ROBO2: variants seen among roughly 807,000 people sequenced by gnomAD.
ROBO2 encodes roundabout homolog 2.
In ROBO2, 53 loss-of-function variants were observed where a neutral mutation model predicts 160.8. The ratio of observed to expected loss-of-function variants is 0.33; its 90% CI spans 0.26 to 0.41. The LOEUF (loss-of-function observed/expected upper bound fraction) is 0.41, where lower values mean the gene tolerates loss of function less well. ROBO2 is among the 10% of genes least tolerant of loss of function. The pLI, the probability that ROBO2 is intolerant of heterozygous loss-of-function variation, is 1.00. For missense variants in ROBO2, 1,577 were observed against 1,722.4 expected (o/e 0.92, Z 1.49); for synonymous variants, 664 against 611.7 (o/e 1.09, Z -1.26).
chr3:77,238,320 G>A (rs982192608), intron 2 of ROBO2, among the ~76,000 whole-genome samples: 5 of 152,042 alleles, frequency 3.3e-5, no homozygotes, highest in African/African-American at 1.2e-4. Flanking sequence ...AATTCATCTA[G>A]ATTTTCTCTT....
chr3:76,042,529 T>C, intron 2 of ROBO2, among the ~76,000 whole-genome samples: 1 of 152,056 alleles, frequency 6.6e-6, no homozygotes. Context: ...TTTGTTGCAA[T>C]CTTATTTTTA....
intron 24 of ROBO2, among the ~76,000 whole-genome samples, chr3:77,641,055 C>A (rs1212566240): frequency 6.6e-6 from 1 of 152,236 alleles, no homozygotes; most frequent in Admixed American, 6.5e-5. Flanking sequence ...TTCAATCAAT[C>A]AAATGAAATA....
At chr3:77,403,681 A>G (rs1413154513) in intron 2 of ROBO2, among the ~76,000 whole-genome samples, 1 of 151,378 alleles carries the variant, frequency 6.6e-6, no homozygotes, top group Admixed American at 6.6e-5. Flanking sequence ...GTTATTGTGA[A>G]TAATGCTGCA....
chr3:76,016,666 A>G (rs1008704056), intron 2 of ROBO2, among the ~76,000 whole-genome samples: 5 of 152,254 alleles, frequency 3.3e-5, no homozygotes, highest in African/African-American at 1.2e-4. Flanking sequence ...ATAAACTGGT[A>G]TATGCAAAAT....
At chr3:77,334,468 G>A (rs957677354) in intron 2 of ROBO2, among the ~76,000 whole-genome samples, 2 of 152,132 alleles carry the variant, frequency 1.3e-5, no homozygotes, top group African/African-American at 2.4e-5. Context: ...TTGTTTGCTT[G>A]TTTGTTTCGG....
chr3:76,993,921 C>T (rs958191216), intron 2 of ROBO2, among the ~76,000 whole-genome samples: 14 of 151,000 alleles, frequency 9.3e-5, no homozygotes, highest in African/African-American at 2.9e-4. Flanking sequence ...ATAGTTAAAG[C>T]TCTACTCTTC....
chr3:76,504,173 T>G (rs1418675535), intron 2 of ROBO2, among the ~76,000 whole-genome samples: 4 of 152,230 alleles, frequency 2.6e-5, no homozygotes, highest in Admixed American at 2.0e-4. Context: ...TTTTACAATG[T>G]TTGGCCACTG....
intron 1 of ROBO2, among the ~76,000 whole-genome samples, chr3:75,933,485 A>G (rs1452456108): frequency 6.6e-6 from 1 of 152,152 alleles, no homozygotes; most frequent in Non-Finnish European, 1.5e-5. Context: ...GCCAACAGCA[A>G]TACTTGCAGG....
chr3:77,297,652 A>G lies in ROBO2; in HGVS notation c.389-179762A>G, dbSNP rs148923818. On this transcript the variant is annotated intron_variant, in intron 2 of 25. Coordinates refer to ENST00000461745, the Ensembl canonical transcript of ROBO2. ...GTCTCTCGGATCTAACTTTAAAGATATGTACTTCTAACAGTTGGTTCTGAT... is the reference window on the plus strand; with the variant it reads ...GTCTCTCGGATCTAACTTTAAAGATGTGTACTTCTAACAGTTGGTTCTGAT... Among the ~76,000 whole-genome samples the G allele has an allele frequency of 7.7e-3, 1,169 of 152,276 alleles. 5 individuals are homozygous for G. Among genetic ancestry groups the G allele is most frequent in the Non-Finnish European group, 0.013 (893 of 68,016 alleles).
intron 2 of ROBO2, among the ~76,000 whole-genome samples, chr3:76,614,795 A>T (rs184756504): frequency 6.6e-6 from 1 of 152,244 alleles, no homozygotes. Context: ...TTTTAAGGAA[A>T]CTTGTCACGG....
chr3:76,794,139 G>A (rs913607071), intron 2 of ROBO2, among the ~76,000 whole-genome samples: 1 of 151,770 alleles, frequency 6.6e-6, no homozygotes, highest in African/African-American at 2.4e-5. Context: ...AATTTGAATG[G>A]TGCAGAATTC....
At chr3:77,584,702 T>C (rs971154551) in intron 16 of ROBO2, among the ~76,000 whole-genome samples, 2 of 151,982 alleles carry the variant, frequency 1.3e-5, no homozygotes, top group Non-Finnish European at 2.9e-5. Context: ...AATTAGTCAT[T>C]CAGACTGAAT....
rs143450202 is a variant in ROBO2, at chr3:76,474,390, T to A, written c.109+536788T>A. Among the ~76,000 whole-genome samples, 538 of 152,258 alleles carry A rather than the reference T, an allele frequency of 3.5e-3. 5 individuals carry two copies. The highest frequency in any genetic ancestry group is 0.013 in the African/African-American group (520 of 41,570). Reference sequence around the variant, plus strand: ...ACTATGTCTGTTTTATCCACTTAGCTGCTAGCTAACTTTCTACACATTTTA... The same window carrying A: ...ACTATGTCTGTTTTATCCACTTAGCAGCTAGCTAACTTTCTACACATTTTA... On this transcript the variant is annotated intron_variant, in intron 2 of 26. Coordinates refer to the ROBO2 transcript ENST00000487694.
rs1400638208 is a variant in ROBO2, at chr3:77,016,171, T to C, written c.110-81843T>C. On this transcript the variant is annotated intron_variant, in intron 2 of 26. Coordinates refer to the ROBO2 transcript ENST00000487694. Reference sequence around the variant, plus strand: ...TTTTGTATTTTTAGTAGAGACGGGGTTTCACCGTGTTAGCCAGGATGGTCT... The same window carrying C: ...TTTTGTATTTTTAGTAGAGACGGGGCTTCACCGTGTTAGCCAGGATGGTCT... Among the ~76,000 whole-genome samples the C allele has an allele frequency of 2.6e-5, 4 of 151,908 alleles. No homozygotes were observed. In the East Asian group the frequency reaches 7.8e-4, roughly 30 times the overall value.
intron 2 of ROBO2, among the ~76,000 whole-genome samples, chr3:76,498,408 C>G (rs73117892): frequency 0.092 from 13,911 of 151,966 alleles, 756 homozygotes; most frequent in Middle Eastern, 0.13. Context: ...TAGTCAATAA[C>G]AGTATATTGT....
At chr3:76,378,731 T>C (rs1044126897) in intron 2 of ROBO2, among the ~76,000 whole-genome samples, 1 of 152,198 alleles carries the variant, frequency 6.6e-6, no homozygotes, top group Non-Finnish European at 1.5e-5. Flanking sequence ...AATCTTCAGC[T>C]GGTTCCAAGG....
intron 2 of ROBO2, among the ~76,000 whole-genome samples, chr3:76,867,437 C>CT (rs1300508612): frequency 1.3e-5 from 2 of 152,092 alleles, no homozygotes; most frequent in Non-Finnish European, 2.9e-5. Flanking sequence ...CTTGTTTTGC[C>CT]TTTTTTTGTT....
intron 2 of ROBO2, among the ~76,000 whole-genome samples, chr3:76,056,491 C>A (rs2067850873): frequency 6.6e-6 from 1 of 151,452 alleles, no homozygotes; most frequent in Non-Finnish European, 1.5e-5. Context: ...CTAAAAGGGT[C>A]TCCAAAATAA....
At chr3:76,708,396 T>G (rs1279306404) in intron 2 of ROBO2, among the ~76,000 whole-genome samples, 1 of 152,156 alleles carries the variant, frequency 6.6e-6, no homozygotes, top group Non-Finnish European at 1.5e-5. Context: ...TCACATCAAT[T>G]GTTTAATAGC....
Sources: allele counts gnomAD v4.1 joint callset (sites outside exome capture counted in the v4.1 genomes callset), GRCh38; gene constraint gnomAD v4.1.1; transcripts MANE v1.5; gene names NCBI Gene and HGNC (gene_info 2026-07-23, HGNC 2026-07-21).